TRIQK: variants seen among roughly 807,000 people sequenced by gnomAD.
TRIQK encodes triple QxxK/R motif-containing protein.
Under a neutral mutation model 10.8 loss-of-function variants are expected in TRIQK, and 10 were observed. That is an observed-to-expected ratio of 0.92 (90% CI 0.57 to 1.57). TRIQK has a LOEUF of 1.57. TRIQK is among the 40% of genes most tolerant of loss of function. The probability of loss-of-function intolerance (pLI) is 0.00; values close to 1 mark genes in which losing one functional copy is unlikely to be tolerated. For synonymous variants in TRIQK, 33 were observed against 33.7 expected, an observed-to-expected ratio of 0.98 and a Z score of 0.07; for missense variants, 107 against 97.7, an observed-to-expected ratio of 1.09 and a Z score of -0.40.
At chr8:92,985,830 C>T (rs1176725762) in intron 1 of TRIQK, among the ~76,000 whole-genome samples, 1 of 152,090 alleles carries the variant, frequency 6.6e-6, no homozygotes, top group Non-Finnish European at 1.5e-5. Flanking sequence ...TTCATATTTA[C>T]AGGCCAGGAA....
chr8:92,992,255 G>A (rs1242266392), intron 1 of TRIQK, among the ~76,000 whole-genome samples: 1 of 152,098 alleles, frequency 6.6e-6, no homozygotes, highest in Non-Finnish European at 1.5e-5. Context: ...GAGGAGAAAT[G>A]GAAGTTGCCT....
At chr8:92,986,223 CTT>C (rs34462292) in intron 1 of TRIQK, among the ~76,000 whole-genome samples, 1 of 149,316 alleles carries the variant, frequency 6.7e-6, no homozygotes, top group Non-Finnish European at 1.5e-5. Context: ...ATAAAGAAAA[CTT>C]TTTTTTTTGC....
chr8:92,993,040 C>T (rs1813113483), intron 1 of TRIQK, among the ~76,000 whole-genome samples: 1 of 152,152 alleles, frequency 6.6e-6, no homozygotes, highest in Non-Finnish European at 1.5e-5. Context: ...TGAAGAGAAG[C>T]CATCAATATC....
intron 1 of TRIQK, among the ~76,000 whole-genome samples, chr8:93,001,282 G>A (rs1163513031): frequency 4.0e-5 from 6 of 150,292 alleles, no homozygotes; most frequent in African/African-American, 1.2e-4. Context: ...ACCCCAGCCT[G>A]GCAACACAGT....
At chr8:92,923,865 A>C (rs532440290) in intron 2 of TRIQK, among the ~76,000 whole-genome samples, 1 of 152,050 alleles carries the variant, frequency 6.6e-6, no homozygotes, top group East Asian at 1.9e-4. Context: ...AAGTTATTTT[A>C]TTGCTCATTT....
chr8:93,007,644 G>A (rs994731725), intron 1 of TRIQK, among the ~76,000 whole-genome samples: 1 of 152,196 alleles, frequency 6.6e-6, no homozygotes, highest in Non-Finnish European at 1.5e-5. Flanking sequence ...AAACTTTACA[G>A]CAGCTGTTAA....
Position 93,007,697 on chromosome 8 carries a change from G to A in TRIQK, c.-181+9912C>T, listed in dbSNP as rs568456780. ...AGAATAACATAAATGACCTGACAGAGCTGAAAAACACAGCACGAGAACTTC... is the reference window on the plus strand; with the variant it reads ...AGAATAACATAAATGACCTGACAGAACTGAAAAACACAGCACGAGAACTTC... On this transcript the variant is annotated intron_variant, in intron 1 of 4. Coordinates refer to the TRIQK transcript ENST00000520686. Among the ~76,000 whole-genome samples the A allele has an allele frequency of 5.9e-5, 9 of 152,296 alleles. No homozygotes were observed. In the East Asian group the frequency reaches 1.7e-3, roughly 29 times the overall value.
At chr8:92,982,448 G>A (rs935524685) in intron 1 of TRIQK, among the ~76,000 whole-genome samples, 3 of 151,958 alleles carry the variant, frequency 2.0e-5, no homozygotes, top group African/African-American at 7.2e-5. Flanking sequence ...TCAACAAAAT[G>A]CATGTGTACA....
intron 2 of TRIQK, among the ~76,000 whole-genome samples, chr8:92,937,263 T>G (rs1811039074): frequency 1.3e-5 from 2 of 151,534 alleles, no homozygotes; most frequent in African/African-American, 2.4e-5. Context: ...GAAAAATCAA[T>G]AGTCAATATT....
intron 1 of TRIQK, among the ~76,000 whole-genome samples, chr8:93,004,463 C>G (rs1040535395): frequency 2.6e-5 from 4 of 152,210 alleles, no homozygotes; most frequent in African/African-American, 7.2e-5. Context: ...GGGGCTGATG[C>G]AAAGGTCTGT....
intron 1 of TRIQK, among the ~76,000 whole-genome samples, chr8:92,989,295 AG>A (rs1813069023): frequency 6.6e-6 from 1 of 152,210 alleles, no homozygotes; most frequent in East Asian, 1.9e-4. Flanking sequence ...CCATTTAAGC[AG>A]GGGTTCTCAT....
intron 3 of TRIQK, among the ~76,000 whole-genome samples, chr8:92,912,525 C>T (rs886662273): frequency 2.6e-5 from 4 of 151,598 alleles, no homozygotes; most frequent in Non-Finnish European, 5.9e-5. Flanking sequence ...AAGAACAACC[C>T]TAAGCACAAA....
At chr8:93,004,149 A>G (rs759368434) in intron 1 of TRIQK, among the ~76,000 whole-genome samples, 2 of 152,192 alleles carry the variant, frequency 1.3e-5, no homozygotes, top group Non-Finnish European at 2.9e-5. Context: ...AGTAGAGGTT[A>G]TTCATGAAGG....
At position 92,913,330 on chromosome 8, in the gene TRIQK, AAAG is replaced by A. The variant is rs202241503; in HGVS notation, c.61+3596_61+3598del. Among the ~76,000 whole-genome samples, 1,103 of 152,334 alleles carry A rather than the reference AAAG, an allele frequency of 7.2e-3. 12 individuals are homozygous for A. The highest frequency in any genetic ancestry group is 0.025 in the African/African-American group (1,048 of 41,586). On this transcript the variant is annotated intron_variant, in intron 3 of 4. Coordinates refer to ENST00000521988, the MANE Select transcript of TRIQK (RefSeq NM_001171797.2). ...AAAGGATATGAACAGACACTTCTCA[AAAG>A]AAGACATTTATGTGGCCAACAAACA... is the stretch of plus-strand genomic sequence containing the variant.
At chr8:92,940,275 T>G (rs1382214088) in intron 2 of TRIQK, among the ~76,000 whole-genome samples, 1 of 151,432 alleles carries the variant, frequency 6.6e-6, no homozygotes, top group African/African-American at 2.4e-5. Context: ...ATAATCACCT[T>G]AAATGTAAAT....
intron 1 of TRIQK, among the ~76,000 whole-genome samples, chr8:93,004,002 T>G (rs1813241594): frequency 6.6e-6 from 1 of 152,184 alleles, no homozygotes; most frequent in South Asian, 2.1e-4. Context: ...TAGCATTGAG[T>G]GCCTGTGGCT....
intron 1 of TRIQK, among the ~76,000 whole-genome samples, chr8:92,988,999 AAAGAT>A (rs1371047661): frequency 3.3e-5 from 5 of 152,216 alleles, no homozygotes; most frequent in Non-Finnish European, 5.9e-5. Flanking sequence ...AATAACAAGA[AAAGAT>A]AAGAAAATTA....
chr8:92,952,974 GTGTGT>G (rs1445052138), intron 2 of TRIQK, among the ~76,000 whole-genome samples: 13 of 152,000 alleles, frequency 8.6e-5, no homozygotes, highest in Admixed American at 8.5e-4. Context: ...TATGTAGTCT[GTGTGT>G]TGTGTTAAGA....
intron 3 of TRIQK, among the ~76,000 whole-genome samples, chr8:92,899,760 T>C (rs1320079346): frequency 6.6e-6 from 1 of 152,156 alleles, no homozygotes; most frequent in Non-Finnish European, 1.5e-5. Context: ...CTTTTGCATA[T>C]ATACTTAGCA....
Sources: gnomAD v4.1 joint callset for allele counts (sites outside exome capture counted in the v4.1 genomes callset) on GRCh38, gnomAD v4.1.1 for gene constraint, MANE v1.5 for transcripts, NCBI Gene and HGNC (gene_info 2026-07-23, HGNC 2026-07-21) for gene names.